Variants in UBE3D observed in about 807,000 individuals in gnomAD.
The protein encoded by UBE3D is E3 ubiquitin-protein ligase E3D.
UBE3D carries 48 observed loss-of-function variants against 49.6 expected under a neutral mutation model. The observed-to-expected ratio is 0.97, with a 90% CI of 0.77 to 1.23. UBE3D has a LOEUF of 1.23. Among genes scored for constraint, UBE3D ranks in the 50% most tolerant of loss-of-function variants. The probability of loss-of-function intolerance (pLI) is 0.00; values close to 1 mark genes in which losing one functional copy is unlikely to be tolerated. For missense variants in UBE3D, 452 were observed against 468.4 expected (o/e 0.96, Z 0.32); for synonymous variants, 189 against 174.2 (o/e 1.08, Z -0.67).
chr6:82,999,338 A>T (rs1779459921), intron 8 of UBE3D, among the ~76,000 whole-genome samples: 2 of 151,872 alleles, frequency 1.3e-5, no homozygotes, highest in South Asian at 4.2e-4. Context: ...CATCAGTCAT[A>T]CCTTCTTTCT....
chr6:82,964,220 A>C (rs563923003), intron 8 of UBE3D, among the ~76,000 whole-genome samples: 1 of 152,202 alleles, frequency 6.6e-6, no homozygotes, highest in Non-Finnish European at 1.5e-5. Context: ...GTCACTTTCT[A>C]TCACTTCTAA....
At chr6:82,942,429 G>T (rs1293845516) in intron 9 of UBE3D, among the ~76,000 whole-genome samples, 1 of 152,220 alleles carries the variant, frequency 6.6e-6, no homozygotes, top group Non-Finnish European at 1.5e-5. Flanking sequence ...AAGATACAAG[G>T]AGCAGAATGT....
chr6:82,927,136 CTCTG>C (rs1773811185), intron 9 of UBE3D, among the ~76,000 whole-genome samples: 1 of 151,768 alleles, frequency 6.6e-6, no homozygotes, highest in Non-Finnish European at 1.5e-5. Flanking sequence ...GCTTTTGCTT[CTCTG>C]TCAAAGATCA....
In UBE3D at chr6:83,022,564, G is replaced by A; in HGVS notation, c.738-3C>T. The stretch of plus-strand genomic sequence containing the variant: ...TCACGCTCTGGACAAACCAAGACCT[G>A]TTTGAACAGAAATCAATTTTTACAA... On this transcript the variant is annotated splice_region_variant and splice_polypyrimidine_tract_variant and intron_variant, in intron 6 of 9. Coordinates refer to ENST00000369747, the MANE Select transcript of UBE3D (RefSeq NM_198920.3). 6.4e-7 allele frequency: 1 copy of A among 1,560,022 alleles called. No individual in the cohort carries two copies. The highest frequency in any genetic ancestry group is 8.6e-7 in the Non-Finnish European group (1 of 1,159,414).
chr6:82,963,654 G>A (rs117023305), intron 8 of UBE3D, among the ~76,000 whole-genome samples: 3,182 of 152,190 alleles, frequency 0.021, 46 homozygotes, highest in Non-Finnish European at 0.032. Context: ...TCCTGGCTGG[G>A]CTGGCAGTTG....
At chr6:82,963,177 G>T in intron 8 of UBE3D, among the ~76,000 whole-genome samples, 1 of 147,066 alleles carries the variant, frequency 6.8e-6, no homozygotes, top group Non-Finnish European at 1.5e-5. Flanking sequence ...AAAACTTCAG[G>T]TAAAGTTTTC....
At chr6:83,061,865 C>T (rs1784190541) in intron 1 of UBE3D, among the ~76,000 whole-genome samples, 1 of 152,086 alleles carries the variant, frequency 6.6e-6, no homozygotes, top group African/African-American at 2.4e-5. Flanking sequence ...TATGTGTTCC[C>T]CCAACTCACC....
chr6:82,952,260 TCA>T (rs1487066970), intron 9 of UBE3D, among the ~76,000 whole-genome samples: 1 of 152,158 alleles, frequency 6.6e-6, no homozygotes, highest in Non-Finnish European at 1.5e-5. Flanking sequence ...GCACCTGTGC[TCA>T]GTTTCTGCAC....
At chr6:82,986,006 CCAAA>C (rs1168384992) in intron 8 of UBE3D, among the ~76,000 whole-genome samples, 1 of 152,040 alleles carries the variant, frequency 6.6e-6, no homozygotes, top group African/African-American at 2.4e-5. Context: ...ACTATTGTTT[CCAAA>C]CAAACTTTAT....
rs544398465 is a variant in UBE3D, at chr6:83,031,598, C to T, written c.667+6818G>A. On this transcript the variant is annotated intron_variant, in intron 5 of 9. Coordinates refer to ENST00000369747, the MANE Select transcript of UBE3D (RefSeq NM_198920.3). ...TGCTGGATTTCGGACTTCCATGGGG[C>T]GTTACAGTCAAGCCTGCTTGAATTT... is the stretch of plus-strand genomic sequence containing the variant. 1.7e-4 allele frequency among the ~76,000 whole-genome samples: 26 copies of T among 152,202 alleles called. No individual in the cohort carries two copies. In the South Asian group the frequency reaches 5.0e-3, roughly 29 times the overall value.
chr6:82,989,733 T>C (rs1255439001), intron 8 of UBE3D, among the ~76,000 whole-genome samples: 2 of 152,152 alleles, frequency 1.3e-5, no homozygotes, highest in African/African-American at 2.4e-5. Context: ...CATATGCCCA[T>C]GTTAAGTTCT....
intron 2 of UBE3D, 21 bp from the exon 3 acceptor site, chr6:83,054,259 A>G (rs779160927): frequency 6.4e-7 from 1 of 1,570,000 alleles, no homozygotes; most frequent in South Asian, 1.1e-5. Flanking sequence ...TCAATGAAAT[A>G]GCTAATCTTA....
chr6:82,932,009 A>G (rs1422333383), intron 9 of UBE3D, among the ~76,000 whole-genome samples: 1 of 152,110 alleles, frequency 6.6e-6, no homozygotes, highest in Non-Finnish European at 1.5e-5. Flanking sequence ...GTGAGTTCTC[A>G]TGAGATAAAA....
chr6:82,943,603 T>C (rs544875703), intron 9 of UBE3D, among the ~76,000 whole-genome samples: 1 of 152,040 alleles, frequency 6.6e-6, no homozygotes, highest in Non-Finnish European at 1.5e-5. Context: ...ACCACTACAC[T>C]ACAACCTGGA....
At chr6:82,918,942 C>T (rs917329991) in intron 9 of UBE3D, among the ~76,000 whole-genome samples, 1 of 152,128 alleles carries the variant, frequency 6.6e-6, no homozygotes, top group African/African-American at 2.4e-5. Flanking sequence ...CTCCCATCAG[C>T]TGCAGCACCC....
chr6:82,909,954 C>G (rs1772380516), intron 9 of UBE3D, among the ~76,000 whole-genome samples: 1 of 152,186 alleles, frequency 6.6e-6, no homozygotes, highest in South Asian at 2.1e-4. Context: ...ACTAGAAAGG[C>G]ACCCTTGCAC....
At chr6:82,931,212 A>G (rs1774123066) in intron 9 of UBE3D, among the ~76,000 whole-genome samples, 1 of 152,220 alleles carries the variant, frequency 6.6e-6, no homozygotes, top group Non-Finnish European at 1.5e-5. Flanking sequence ...CTCTGCCTTG[A>G]TTCAGAGGAT....
intron 7 of UBE3D, among the ~76,000 whole-genome samples, chr6:83,019,658 T>C (rs1228258097): frequency 2.0e-5 from 3 of 152,144 alleles, no homozygotes; most frequent in Non-Finnish European, 2.9e-5. Flanking sequence ...ATGCATGTGA[T>C]TCACTGAGGG....
chr6:83,042,313 A>C (rs1255049921), intron 4 of UBE3D, among the ~76,000 whole-genome samples: 1 of 152,228 alleles, frequency 6.6e-6, no homozygotes, highest in South Asian at 2.1e-4. Context: ...TTTAAAAATA[A>C]GTAGATACTG....
Sources: allele counts gnomAD v4.1 joint callset (sites outside exome capture counted in the v4.1 genomes callset), GRCh38; gene constraint gnomAD v4.1.1; transcripts MANE v1.5; gene names NCBI Gene and HGNC (gene_info 2026-07-23, HGNC 2026-07-21).